Variants in DHX34 observed in about 807,000 individuals in gnomAD.
DHX34 encodes probable ATP-dependent RNA helicase DHX34.
Under a neutral mutation model 111.1 loss-of-function variants are expected in DHX34, and 96 were observed. The ratio of observed to expected loss-of-function variants is 0.86; its 90% CI spans 0.73 to 1.02. The LOEUF (loss-of-function observed/expected upper bound fraction) is 1.02. Among genes scored for constraint, DHX34 ranks in the 50% least tolerant of loss-of-function variants. The pLI is 0.00. For missense variants in DHX34, 1,560 were observed against 1,579.9 expected (o/e 0.99, Z 0.21); for synonymous variants, 688 against 670.4 (o/e 1.03, Z -0.41).
chr19:47,379,402 G>A (rs1194033780), intron 13 of DHX34, among the ~76,000 whole-genome samples: 3 of 152,154 alleles, frequency 2.0e-5, no homozygotes, highest in Admixed American at 2.0e-4. Context: ...CTCCCTGCAC[G>A]TCGTGTGTGT....
chr19:47,375,626 A>G lies in DHX34; in HGVS notation c.2225A>G (p.Gln742Arg). 4 of 1,551,732 alleles carry G rather than the reference A, an allele frequency of 2.6e-6. No individual in the cohort carries two copies. The highest frequency in any genetic ancestry group is 3.5e-6 in the Non-Finnish European group (4 of 1,151,200). Residue 742 changes from glutamine to arginine, a missense_variant, in exon 10 of 17, where the codon CAG (glutamine) becomes CGG (arginine). By Grantham distance (43) the Gln-to-Arg change is conservative (BLOSUM62 1). Transcript: ENST00000328771. ...CGCAGGCGCAAGGTGCTGCGGCTGC[A>G]GGAGGAGCAGGACGGCGGCTCCAGT... ...AGRRRKVLRLQEEQDGGSSDE... is the reference protein window; with the variant it reads ...AGRRRKVLRLREEQDGGSSDE...
intron 9 of DHX34, 105 bp downstream of exon 9, chr19:47,373,805 C>T: frequency 7.1e-7 from 1 of 1,401,636 alleles, no homozygotes; most frequent in South Asian, 1.3e-5. Flanking sequence ...AGACCAGAAT[C>T]CCACCCTGCA....
At chr19:47,379,576 G>A in intron 13 of DHX34, 134 bp from the exon 14 acceptor site, 1 of 1,475,308 alleles carries the variant, frequency 6.8e-7, no homozygotes, top group Admixed American at 2.3e-5. Flanking sequence ...GGTACAGCGG[G>A]TAGATGGCGG....
chr19:47,378,607 A>C (rs1970245577), intron 13 of DHX34, among the ~76,000 whole-genome samples: 1 of 152,158 alleles, frequency 6.6e-6, no homozygotes, highest in Non-Finnish European at 1.5e-5. Flanking sequence ...AGGTGGGAGG[A>C]TTGTTTGAGC....
chr19:47,357,814 C>T, intron 3 of DHX34, 52 bp from the exon 4 acceptor site: 6 of 1,574,880 alleles, frequency 3.8e-6, no homozygotes, highest in Non-Finnish European at 5.2e-6. Flanking sequence ...CAGCCCATTG[C>T]TCTGAGCTGG....
At position 47,376,504 on chromosome 19, in the gene DHX34, GC is replaced by G. The variant is rs1568406193; in HGVS notation, c.2547del (p.Glu850ArgfsTer23). ...VLHPTCVFAGSPEVLHAQELE... is the reference protein window; with the variant it reads ...VLHPTCVFAGXPEVLHAQELE... ...CACCCCACCTGCGTCTTCGCTGGCA[GC>G]CCCGAGGTGCTGCACGCACAGGAGC... On this transcript the variant is annotated frameshift_variant, in exon 12 of 17. Coordinates refer to ENST00000328771, the MANE Select transcript of DHX34 (RefSeq NM_014681.6). LOFTEE classifies it high-confidence loss of function. 6.2e-7 allele frequency: 1 copy of G among 1,600,220 alleles called. No homozygotes were observed.
In DHX34 at chr19:47,373,471, T is replaced by C. The variant is rs554361651; in HGVS notation, c.1963-128T>C. The C allele has an allele frequency of 2.1e-5, 30 of 1,459,276 alleles. No individual in the cohort carries two copies. In the Admixed American group the frequency reaches 5.1e-4, roughly 25 times the overall value. The allele number at this position is 1,459,276 out of a possible 1,614,324, so 90.4% of individuals were successfully genotyped here. ...TTCCCATAGGAGGGGGCACTGGGGC[T>C]GAGACCTGGAAGCAGGAGAGCAGGT... On this transcript the variant is annotated intron_variant, in intron 8 of 16. Transcript: ENST00000328771.
chr19:47,372,828 C>T lies in DHX34; in HGVS notation c.1867C>T (p.Gln623Ter), dbSNP rs767611737. Residue 623 changes from glutamine (Q) to a stop codon, truncating the protein, a stop_gained, in exon 8 of 17, where the codon CAG (glutamine) becomes TAG (stop). Coordinates refer to ENST00000328771, the MANE Select transcript of DHX34 (RefSeq NM_014681.6). LOFTEE classifies it high-confidence loss of function. The part of the protein sequence containing the change: ...SVQSPFTRSA[Q>*]SSPECAAARR... ...CCAGTCGCCCTTCACCCGCAGCGCC[C>T]AGAGCAGCCCAGAGTGCGCGGCAGC... is the stretch of plus-strand genomic sequence containing the variant. 1.9e-6 allele frequency: 3 copies of T among 1,612,780 alleles called. No individual in the cohort carries two copies. Among genetic ancestry groups the T allele is most frequent in the African/African-American group, 2.7e-5 (2 of 74,936 alleles).
intron 7 of DHX34, among the ~76,000 whole-genome samples, chr19:47,371,174 C>T (rs1568402466): frequency 1.3e-5 from 2 of 152,190 alleles, no homozygotes; most frequent in South Asian, 2.1e-4. Context: ...CCAGGAGGCT[C>T]CTGAGGGCAT....
At chr19:47,360,178 A>G (rs1599758293) in intron 5 of DHX34, 108 bp downstream of exon 5, 3 of 1,029,490 alleles carry the variant, frequency 2.9e-6, no homozygotes, top group East Asian at 2.5e-5. Flanking sequence ...TGGGAAGTAC[A>G]GTTGACTTTC....
Position 47,353,842 on chromosome 19 carries a change from C to T in DHX34, c.705+107C>T. 2 of 1,087,706 alleles carry T rather than the reference C, an allele frequency of 1.8e-6. No individual in the cohort carries two copies. Among genetic ancestry groups the T allele is most frequent in the Non-Finnish European group, 2.5e-6 (2 of 784,366 alleles). 67.4% of individuals were successfully genotyped at this position (1,087,706 alleles called of 1,614,324 possible). On this transcript the variant is annotated intron_variant, in intron 2 of 16. Transcript: ENST00000328771. The surrounding 1 kb of genome is among the most constrained non-coding windows in gnomAD (Gnocchi z 4.6). ...AAAAATGAAGCACTTACCCTTGGAC[C>T]CAGCGATGATTCTTCTAGAACTTTA...
rs1163637514 is a variant in DHX34 at position 47,362,551 on chromosome 19, G to A, written c.1451G>A (p.Ser484Asn). The A allele has an allele frequency of 3.7e-6, 6 of 1,612,954 alleles. No individual in the cohort carries two copies. Among genetic ancestry groups the A allele is most frequent in the Admixed American group, 1.7e-5 (1 of 59,846 alleles). Residue 484 changes from serine to asparagine, a missense_variant, in exon 6 of 17, where the codon AGC becomes AAC. Coordinates refer to ENST00000328771, the MANE Select transcript of DHX34 (RefSeq NM_014681.6). ...CAGGAGTTCTGGATTAGTCAGGCCA[G>A]CGCAGAGCAGCGGAAGGGCCGGGCG... ...RLQEFWISQA[S>N]AEQRKGRAGR...
intron 6 of DHX34, among the ~76,000 whole-genome samples, chr19:47,363,848 G>A (rs540288983): frequency 6.6e-6 from 1 of 151,744 alleles, no homozygotes; most frequent in African/African-American, 2.4e-5. Context: ...TGTCCATAGG[G>A]TCAAAGGAAG....
chr19:47,358,154 G>C lies in DHX34; in HGVS notation c.1272+34G>C, dbSNP rs747057795. ...GGAAGCCCGAGTGGGGCAGGCGGGG[G>C]GTCTGCATGAGTCAGGGGTGGCTGC... On this transcript the variant is annotated intron_variant, in intron 4 of 16. Coordinates refer to ENST00000328771, the MANE Select transcript of DHX34 (RefSeq NM_014681.6). The C allele has an allele frequency of 3.1e-6, 5 of 1,591,378 alleles. No homozygotes were observed. In the South Asian group the frequency reaches 5.6e-5, roughly 18 times the overall value.
chr19:47,377,007 A>G (rs767384265), intron 12 of DHX34, 93 bp from the exon 13 acceptor site: 5 of 1,594,528 alleles, frequency 3.1e-6, no homozygotes, highest in South Asian at 2.3e-5. Context: ...TACTCTTTCT[A>G]TCGATGTGTA....
In DHX34 at chr19:47,362,671, C is replaced by T; in HGVS notation, c.1571C>T (p.Ala524Val). 1 of 1,612,724 alleles carries T rather than the reference C, an allele frequency of 6.2e-7. No homozygotes were observed. Among genetic ancestry groups the T allele is most frequent in the East Asian group, 2.2e-5 (1 of 44,814 alleles). Residue 524 changes from alanine (A) to valine (V), a missense_variant, in exon 6 of 17, where the codon GCC (alanine) becomes GTC (valine). Ala to Val is a moderately conservative substitution (Grantham distance 64, BLOSUM62 0). Transcript: ENST00000328771. ...CCCGTCCCAGAAATTCGGAGGGTGG[C>T]CCTGGACTCGTTGGTGCTGCAGGTG... The part of the protein sequence containing the change: ...PYPVPEIRRV[A>V]LDSLVLQMKS...
chr19:47,375,380 C>G (rs562022740), intron 9 of DHX34, 86 bp from the exon 10 acceptor site: 2 of 1,450,446 alleles, frequency 1.4e-6, no homozygotes, highest in African/African-American at 1.4e-5. Flanking sequence ...ACTAGCAGCC[C>G]TGCCACTGGG....
intron 5 of DHX34, 146 bp downstream of exon 5, chr19:47,360,216 A>G (rs1969588433): frequency 2.9e-6 from 2 of 692,686 alleles, no homozygotes; most frequent in Admixed American, 3.0e-5. Flanking sequence ...GCTTGCAACC[A>G]GAAGTGTTTG....
intron 9 of DHX34, among the ~76,000 whole-genome samples, chr19:47,373,942 G>A (rs1970051779): frequency 6.6e-6 from 1 of 152,154 alleles, no homozygotes; most frequent in Non-Finnish European, 1.5e-5. Context: ...CTCGGGAAGA[G>A]CTCGCCCTCC....
Sources: allele counts gnomAD v4.1 joint callset (sites outside exome capture counted in the v4.1 genomes callset), GRCh38; gene constraint gnomAD v4.1.1; non-coding constraint Gnocchi (gnomAD v3.1); transcripts MANE v1.5; gene names NCBI Gene and HGNC (gene_info 2026-07-23, HGNC 2026-07-21).